Variants in ARMC6 observed in about 807,000 individuals in gnomAD.
ARMC6 encodes the protein armadillo repeat-containing protein 6.
A neutral mutation model predicts 49.2 loss-of-function variants in ARMC6; 43 were observed. The ratio of observed to expected loss-of-function variants is 0.87; its 90% CI spans 0.69 to 1.13. ARMC6 has a LOEUF of 1.13. Among genes scored for constraint, ARMC6 ranks in the 50% most tolerant of loss-of-function variants. The pLI is 0.00. For synonymous variants in ARMC6, 262 were observed against 289.6 expected (o/e 0.90, Z 0.97); for missense variants, 627 against 682.0 (o/e 0.92, Z 0.90).
Position 19,057,523 on chromosome 19 carries a change from C to A in ARMC6, c.1401C>A (p.Ala467=). The A allele has an allele frequency of 6.2e-7, 1 of 1,614,016 alleles. No individual in the cohort carries two copies. The highest frequency in any genetic ancestry group is 1.1e-5 in the South Asian group (1 of 91,084). ...CACTCATCATGCAGGCCCGATCTGC[C>A]CACCGTGACTGTGAGGACGTGGCCA... The part of the protein sequence containing the change: ...AEALIMQARS[A]HRDCEDVAKA... Residue 467 remains alanine (A), a synonymous_variant, in exon 9 of 9, where the codon GCC becomes GCA. Transcript: ENST00000535612.
At chr19:19,048,557 T>C (rs2059470688) in intron 4 of ARMC6, among the ~76,000 whole-genome samples, 1 of 151,946 alleles carries the variant, frequency 6.6e-6, no homozygotes, top group Non-Finnish European at 1.5e-5. Context: ...AAGAGTTATC[T>C]AAAGACCTAG....
At position 19,055,928 on chromosome 19, in the gene ARMC6, G is replaced by A; in HGVS notation, c.1293G>A (p.Gln431=). 6.2e-7 allele frequency: 1 copy of A among 1,607,666 alleles called. No individual in the cohort carries two copies. The part of the protein sequence containing the change: ...MKAHPQKAGV[Q]KQACMLIRNL... ...CACACCCGCAGAAGGCCGGCGTGCA[G>A]GTGGGCAGGGCAGGGGATGGGGGCA... The change falls in exon 8 of 9, where the codon CAG becomes CAA. Residue 431 remains glutamine, a splice_region_variant and synonymous_variant. Coordinates refer to ENST00000535612, the MANE Select transcript of ARMC6 (RefSeq NM_001199196.2). The surrounding 1 kb of genome is among the most constrained non-coding windows in gnomAD (Gnocchi z 5.7).
At chr19:19,050,637 GTTAAC>G (rs949958151) in intron 4 of ARMC6, among the ~76,000 whole-genome samples, 26 of 152,280 alleles carry the variant, frequency 1.7e-4, no homozygotes, top group South Asian at 4.1e-4. Flanking sequence ...GCACACTGGT[GTTAAC>G]TTAATTTTTG....
chr19:19,051,359 ATC>A lies in ARMC6; in HGVS notation c.280-247_280-246del, dbSNP rs373829349. ...TCGGCAGGGACACTGAGTTGTCTGG[ATC>A]TCTCTCTCTCTCTCTGTGTGTGTGT... On this transcript the variant is annotated intron_variant, in intron 4 of 8. Transcript: ENST00000535612. 1.1e-3 allele frequency among the ~76,000 whole-genome samples: 142 copies of A among 132,382 alleles called. 1 individual carries two copies. Among genetic ancestry groups the A allele is most frequent in the African/African-American group, 2.8e-3 (90 of 32,474 alleles). The allele number at this position is 132,382 out of a possible 152,430, so 86.8% of individuals were successfully genotyped here. A position where few individuals can be genotyped will look rare whatever the true frequency, so the allele number is the denominator to read the frequency against.
intron 1 of ARMC6, 35 bp downstream of exon 1, chr19:19,033,965 CGGAGTGG>C: frequency 1.9e-6 from 1 of 520,386 alleles, no homozygotes; most frequent in Non-Finnish European, 3.4e-6. Context: ...CTGTCCCGCG[CGGAGTGG>C]GGAGTGGGGG....
intron 4 of ARMC6, among the ~76,000 whole-genome samples, chr19:19,048,404 T>G (rs2059468860): frequency 6.6e-6 from 1 of 151,724 alleles, no homozygotes. Flanking sequence ...GTGCTTATAA[T>G]CCCAGCTACT....
In ARMC6 at chr19:19,057,175, C is replaced by T. The variant is rs2059551541; in HGVS notation, c.1294-241C>T. On this transcript the variant is annotated intron_variant, in intron 8 of 8. Transcript: ENST00000535612. ...AACTCTGAGGCTGAGAGTTCCAAAG[C>T]CATAGGATAGATCCTGGAGCTTCCC... 2.0e-5 allele frequency among the ~76,000 whole-genome samples: 3 copies of T among 152,262 alleles called. No homozygotes were observed. The South Asian group carries it at 6.2e-4, about 31-fold the overall frequency.
intron 3 of ARMC6, 22 bp from the exon 4 acceptor site, chr19:19,043,970 T>G (rs2059429495): frequency 6.2e-7 from 1 of 1,610,822 alleles, no homozygotes; most frequent in Non-Finnish European, 8.5e-7. Context: ...CCCTGTGTGC[T>G]TGCTTCCCCC....
chr19:19,051,375 CTGTGTGTG>C (rs35164662), intron 4 of ARMC6, among the ~76,000 whole-genome samples: 407 of 139,758 alleles, frequency 2.9e-3, no homozygotes, highest in African/African-American at 5.7e-3. Context: ...CTCTCTCTCT[CTGTGTGTG>C]TGTGTGTGTG....
At chr19:19,050,119 T>C (rs1281083551) in intron 4 of ARMC6, among the ~76,000 whole-genome samples, 1 of 152,246 alleles carries the variant, frequency 6.6e-6, no homozygotes, top group Non-Finnish European at 1.5e-5. Context: ...GGTATATCCA[T>C]AGCATACTAT....
At chr19:19,045,991 C>T (rs1373661470) in intron 4 of ARMC6, among the ~76,000 whole-genome samples, 1 of 151,968 alleles carries the variant, frequency 6.6e-6, no homozygotes, top group Non-Finnish European at 1.5e-5. Flanking sequence ...TTAATCTGTG[C>T]TCAGCCCATC....
chr19:19,042,858 G>A lies in ARMC6; in HGVS notation c.177G>A (p.Val59=). 1.2e-6 allele frequency: 2 copies of A among 1,613,886 alleles called. No individual in the cohort carries two copies. The highest frequency in any genetic ancestry group is 1.7e-6 in the Non-Finnish European group (2 of 1,180,046). ...MGPEEAVKEA[V]EQFESQGVDL... ...CAGAGGAGGCAGTGAAAGAGGCCGT[G>A]GAGCAGTTTGAATCGCAAGGTAGGG... The change falls in exon 3 of 9, where the codon GTG becomes GTA. Residue 59 remains valine (V), a synonymous_variant. Transcript: ENST00000535612.
intron 2 of ARMC6, among the ~76,000 whole-genome samples, chr19:19,039,912 G>A (rs950590131): frequency 4.6e-5 from 7 of 152,132 alleles, no homozygotes; most frequent in Non-Finnish European, 1.0e-4. Context: ...CATGGTGTTG[G>A]TTAAGGTGTC....
At chr19:19,049,521 A>C (rs1303126121) in intron 4 of ARMC6, among the ~76,000 whole-genome samples, 1 of 152,136 alleles carries the variant, frequency 6.6e-6, no homozygotes, top group African/African-American at 2.4e-5. Context: ...TTGTTATGTA[A>C]AATGTGCATA....
intron 5 of ARMC6, among the ~76,000 whole-genome samples, 193 bp downstream of exon 5, chr19:19,052,388 C>G (rs942144899): frequency 6.6e-6 from 1 of 152,192 alleles, no homozygotes; most frequent in African/African-American, 2.4e-5. Context: ...CAGGAGAATT[C>G]CAGGCCAGCA....
rs2059420003 is a variant in ARMC6, at chr19:19,042,743, C to A, written c.62C>A (p.Ser21Ter). ...GCATCTATCGGCTGCACGCCAACAT[C>A]AACACAGGCGAAGATGGTCTCCAAG... ...SGASIGCTPT[S>*]TQAKMVSKRI... The change falls in exon 3 of 9, where the codon TCA (serine) becomes TAA (stop). Residue 21 changes from serine to a stop codon, truncating the protein, a stop_gained. Coordinates refer to ENST00000535612, the MANE Select transcript of ARMC6 (RefSeq NM_001199196.2). LOFTEE classifies it high-confidence loss of function. 6.2e-7 allele frequency: 1 copy of A among 1,613,598 alleles called. No homozygotes were observed. Among genetic ancestry groups the A allele is most frequent in the African/African-American group, 1.3e-5 (1 of 74,950 alleles).
In ARMC6 at chr19:19,050,424, C is replaced by A. The variant is rs558228729; in HGVS notation, c.280-1198C>A. On this transcript the variant is annotated intron_variant, in intron 4 of 8. Transcript: ENST00000535612. ...TGAGATGAATGCTCCGTATGTTGCC[C>A]AGGCGAGTCTTGAACTCCTGGGATC... Among the ~76,000 whole-genome samples, 10 of 152,262 alleles carry A rather than the reference C, an allele frequency of 6.6e-5. No individual in the cohort carries two copies. In the South Asian group the frequency reaches 2.1e-3, roughly 32 times the overall value.
chr19:19,056,832 G>A (rs1004989576), intron 8 of ARMC6, among the ~76,000 whole-genome samples: 6 of 152,160 alleles, frequency 3.9e-5, no homozygotes, highest in Non-Finnish European at 8.8e-5. Flanking sequence ...GCTCTCGCTG[G>A]CTCTTACTCT....
Position 19,039,859 on chromosome 19 carries a change from T to C in ARMC6, c.30-2852T>C, listed in dbSNP as rs913733419. Among the ~76,000 whole-genome samples, 6 of 152,364 alleles carry C rather than the reference T, an allele frequency of 3.9e-5. No homozygotes were observed. In the South Asian group the frequency reaches 1.2e-3, roughly 32 times the overall value. ...AAAACTCTGGGTGTTTGTCCTCTAG[T>C]TGACATTCTCTTCCCTAGTAGGGAT... On this transcript the variant is annotated intron_variant, in intron 2 of 8. Transcript: ENST00000535612.
Sources: gnomAD v4.1 joint callset for allele counts (sites outside exome capture counted in the v4.1 genomes callset) on GRCh38, gnomAD v4.1.1 for gene constraint, Gnocchi (gnomAD v3.1) non-coding constraint, MANE v1.5 for transcripts, NCBI Gene and HGNC (gene_info 2026-07-23, HGNC 2026-07-21) for gene names.